The following GTF2H2 variants were observed in gnomAD, a reference collection of about 807,000 sequenced individuals.
GTF2H2 encodes TFIIH basal transcription factor complex p44 subunit.
GTF2H2 carries 2 observed loss-of-function variants against 16.5 expected under a neutral mutation model. That is an observed-to-expected ratio of 0.12 (90% CI 0.05 to 0.38). The LOEUF is 0.38. Ranked by LOEUF, GTF2H2 falls within the 10% of genes least tolerant of loss-of-function variation. The probability of loss-of-function intolerance (pLI) is 0.99; values close to 1 mark genes in which losing one functional copy is unlikely to be tolerated. For synonymous variants in GTF2H2, 8 were observed against 44.1 expected, an observed-to-expected ratio of 0.18 and a Z score of 3.24; for missense variants, 20 against 137.0, an observed-to-expected ratio of 0.15 and a Z score of 4.26.
Position 71,052,897 on chromosome 5 carries a change from C to T in GTF2H2, c.470+2455G>A, listed in dbSNP as rs1350431601. On this transcript the variant is annotated intron_variant, in intron 8 of 15. Transcript: ENST00000274400. ...AAGTTAGGGACTACATACAGGTGCT[C>T]GCCACTGTGCCTGGCTAATTTTTTT... 1.6e-4 allele frequency among the ~76,000 whole-genome samples: 13 copies of T among 81,574 alleles called. 2 individuals are homozygous for T. The highest frequency in any genetic ancestry group is 4.3e-4 in the African/African-American group (8 of 18,438). The allele number at this position is 81,574 out of a possible 152,430, so 53.5% of individuals were successfully genotyped here.
chr5:71,045,903 G>A lies in GTF2H2; in HGVS notation c.758-396C>T, dbSNP rs548926275. On this transcript the variant is annotated intron_variant, in intron 11 of 15. Transcript: ENST00000274400. ...CATGTAGCTGGGATTACAGGCATCC[G>A]CCACCATGCCCAGCTATATATTTTC... Among the ~76,000 whole-genome samples, 75 of 141,648 alleles carry A rather than the reference G, an allele frequency of 5.3e-4. 15 individuals carry two copies. The highest frequency in any genetic ancestry group is 1.9e-3 in the African/African-American group (70 of 35,946). 92.9% of individuals were successfully genotyped at this position (141,648 alleles called of 152,430 possible).
intron 1 of GTF2H2, among the ~76,000 whole-genome samples, chr5:71,063,723 C>A: frequency 7.0e-6 from 1 of 143,560 alleles, no homozygotes; most frequent in Non-Finnish European, 1.5e-5. Context: ...TACTAGCAGC[C>A]AAAAAAACAA....
intron 12 of GTF2H2, among the ~76,000 whole-genome samples, chr5:71,044,282 C>T (rs1242994762): frequency 5.2e-5 from 2 of 38,714 alleles, no homozygotes; most frequent in African/African-American, 2.3e-4. Flanking sequence ...TTCCAGTAGT[C>T]TCCTCACACA....
Position 71,045,502 on chromosome 5 carries a change from GA to G in GTF2H2, c.762del (p.Pro255LeufsTer32). On this transcript the variant is annotated frameshift_variant, in exon 12 of 16. Coordinates refer to ENST00000274400, the Ensembl canonical transcript of GTF2H2. LOFTEE classifies it high-confidence loss of function. ...GATAAAGAAGCAATGGTGTGCTGAG[GA>G]AATCCTTCATAGAAGAAAATGTATT... The G allele has an allele frequency of 1.3e-6, 1 of 757,570 alleles. No homozygotes were observed. Among genetic ancestry groups the G allele is most frequent in the Admixed American group, 2.3e-5 (1 of 44,000 alleles). 46.9% of individuals were successfully genotyped at this position (757,570 alleles called of 1,614,324 possible).
chr5:71,058,416 C>G lies in GTF2H2; in HGVS notation c.364+1274G>C, dbSNP rs892475715. On this transcript the variant is annotated intron_variant, in intron 7 of 15. Coordinates refer to ENST00000274400, the Ensembl canonical transcript of GTF2H2. ...GCGTACAAACAAAATACTTCATTTC[C>G]TGGCCACTTTGTTCATGGATGGGCA... The G allele has an allele frequency of 4.6e-4, 63 of 135,506 alleles. 5 individuals carry two copies. Among genetic ancestry groups the G allele is most frequent in the Non-Finnish European group, 8.2e-4 (51 of 62,060 alleles). The allele number at this position is 135,506 out of a possible 1,614,324, so 8.4% of individuals were successfully genotyped here.
At chr5:71,054,484 C>T (rs1291458999) in intron 8 of GTF2H2, among the ~76,000 whole-genome samples, 1 of 144,826 alleles carries the variant, frequency 6.9e-6, no homozygotes, top group East Asian at 2.0e-4. Context: ...CGCTTGAGGC[C>T]AGGAGTTCAA....
At chr5:71,050,583 G>A (rs1309752914) in intron 8 of GTF2H2, among the ~76,000 whole-genome samples, 2 of 23,398 alleles carry the variant, frequency 8.5e-5, no homozygotes, top group East Asian at 6.2e-3. Context: ...TGAACTGTCA[G>A]TGAATAATAT....
chr5:71,052,925 T>G (rs1218049345), intron 8 of GTF2H2, among the ~76,000 whole-genome samples: 1 of 101,240 alleles, frequency 9.9e-6, no homozygotes, highest in Admixed American at 1.0e-4. Flanking sequence ...ATTTTTTTTT[T>G]TTTTTTTTTT....
intron 7 of GTF2H2, chr5:71,058,260 G>T (rs2150202488): frequency 7.2e-6 from 1 of 138,696 alleles, no homozygotes; most frequent in East Asian, 2.0e-4. Context: ...TGGGTAAAGT[G>T]AGAGGAAAAT....
At chr5:71,061,566 G>C in intron 3 of GTF2H2, 122 bp downstream of exon 3, 1 of 314,510 alleles carries the variant, frequency 3.2e-6, no homozygotes, top group South Asian at 3.6e-5. Flanking sequence ...CCCATAGTCA[G>C]AAGGCAATAG....
intron 8 of GTF2H2, among the ~76,000 whole-genome samples, chr5:71,054,721 G>GTGTA (rs1276016701): frequency 7.7e-6 from 1 of 129,328 alleles, no homozygotes; most frequent in Admixed American, 8.1e-5. Context: ...ACGTGTGTGT[G>GTGTA]TGTGTGTGTG....
At chr5:71,036,343 G>T (rs112305857) in intron 15 of GTF2H2, among the ~76,000 whole-genome samples, 6 of 88,590 alleles carry the variant, frequency 6.8e-5, no homozygotes, top group African/African-American at 2.3e-4. Context: ...AAAATTTCCA[G>T]GGCAGCTTCA....
intron 8 of GTF2H2, among the ~76,000 whole-genome samples, chr5:71,053,209 T>C (rs2150176631): frequency 7.4e-6 from 1 of 135,418 alleles, no homozygotes; most frequent in African/African-American, 2.9e-5. Context: ...TAGCTTTTGA[T>C]TTAAAGTGAG....
rs1337626573 is a variant in GTF2H2, at chr5:71,036,503, A to G, written c.1069-707T>C. Reference sequence around the variant, plus strand: ...CCGGGTGTAGTGACTCACACCTGTAATCCCAGCACTTTGGGAGGCCAAGGC... The same window carrying G: ...CCGGGTGTAGTGACTCACACCTGTAGTCCCAGCACTTTGGGAGGCCAAGGC... On this transcript the variant is annotated intron_variant, in intron 15 of 15. Coordinates refer to ENST00000274400, the Ensembl canonical transcript of GTF2H2. 2.2e-5 allele frequency among the ~76,000 whole-genome samples: 2 copies of G among 89,692 alleles called. 1 individual carries two copies. The highest frequency in any genetic ancestry group is 7.6e-5 in the African/African-American group (2 of 26,380). The allele number at this position is 89,692 out of a possible 152,430, so 58.8% of individuals were successfully genotyped here. A position where few individuals can be genotyped will look rare whatever the true frequency, so the allele number is the denominator to read the frequency against.
chr5:71,053,212 A>T (rs1752904226), intron 8 of GTF2H2, among the ~76,000 whole-genome samples: 1 of 135,508 alleles, frequency 7.4e-6, no homozygotes, highest in Non-Finnish European at 1.6e-5. Flanking sequence ...CTTTTGATTT[A>T]AAGTGAGACA....
chr5:71,047,455 TTTTTC>T (rs1752477388), intron 11 of GTF2H2: 3 of 111,750 alleles, frequency 2.7e-5, no homozygotes, highest in Admixed American at 1.0e-4. Flanking sequence ...AATATAAGTG[TTTTTC>T]TTTTGTTTTC....
rs1262166358 is a variant in GTF2H2 at position 71,054,747 on chromosome 5, GTGTGTA to G, written c.470+599_470+604del. 4.4e-3 allele frequency among the ~76,000 whole-genome samples: 583 copies of G among 132,570 alleles called. 54 individuals are homozygous for G. The highest frequency in any genetic ancestry group is 0.012 in the African/African-American group (416 of 33,922). The allele number at this position is 132,570 out of a possible 152,430, so 87.0% of individuals were successfully genotyped here. On this transcript the variant is annotated intron_variant, in intron 8 of 15. Coordinates refer to ENST00000274400, the Ensembl canonical transcript of GTF2H2. The stretch of plus-strand genomic sequence containing the variant: ...TGTGTGTGTGTGTGTGTGTGTGTGT[GTGTGTA>G]TATATATAATAGATATATAAGCTTT...
rs559507454 is a variant in GTF2H2, at chr5:71,038,117, C to T, written c.1029-571G>A. Among the ~76,000 whole-genome samples, 40 of 78,662 alleles carry T rather than the reference C, an allele frequency of 5.1e-4. 14 individuals carry two copies. The highest frequency in any genetic ancestry group is 1.3e-3 in the African/African-American group (28 of 22,320). 51.6% of individuals were successfully genotyped at this position (78,662 alleles called of 152,430 possible). A position where few individuals can be genotyped will look rare whatever the true frequency, so the allele number is the denominator to read the frequency against. On this transcript the variant is annotated intron_variant, in intron 14 of 15. Coordinates refer to ENST00000274400, the Ensembl canonical transcript of GTF2H2. ...AGCATGCTTTATTTTTCTTTGTTTTCGAGTCAGGGTCTTGCTTTGTCTCAA... is the reference window on the plus strand; with the variant it reads ...AGCATGCTTTATTTTTCTTTGTTTTTGAGTCAGGGTCTTGCTTTGTCTCAA...
In GTF2H2 at chr5:71,055,425, T is replaced by C. The variant is rs1472697711; in HGVS notation, c.397A>G (p.Lys133Glu). Residue 133 changes from lysine (K) to glutamate (E), a missense_variant, in exon 8 of 16, where the codon AAA becomes GAA. Physicochemically the swap from Lys to Glu is moderately conservative, Grantham distance 56. Transcript: ENST00000274400. ...CCATGGCAGGTCATATCCACAGCTT[T>C]CTTCAAAGACGTTATATGTTTTCTT... The C allele has an allele frequency of 3.0e-5, 47 of 1,571,444 alleles. 5 individuals carry two copies. Among genetic ancestry groups the C allele is most frequent in the East Asian group, 1.4e-4 (6 of 44,324 alleles).
Sources: allele counts gnomAD v4.1 joint callset (sites outside exome capture counted in the v4.1 genomes callset), GRCh38; gene constraint gnomAD v4.1.1; transcripts MANE v1.5; gene names NCBI Gene and HGNC (gene_info 2026-07-23, HGNC 2026-07-21).